Variants in LRRTM4 observed in about 807,000 individuals in gnomAD.
The protein encoded by LRRTM4 is leucine-rich repeat transmembrane neuronal protein 4.
Under a neutral mutation model 47.6 loss-of-function variants are expected in LRRTM4, and 25 were observed. The observed-to-expected ratio is 0.53, with a 90% CI of 0.38 to 0.73. LRRTM4 has a LOEUF of 0.73. LRRTM4 is among the 30% of genes least tolerant of loss of function. LRRTM4 has a pLI of 0.00. For synonymous variants in LRRTM4, 311 were observed against 269.5 expected (o/e 1.15, Z -1.51); for missense variants, 638 against 713.4 (o/e 0.89, Z 1.20).
intron 3 of LRRTM4, among the ~76,000 whole-genome samples, chr2:77,097,920 T>G (rs999668133): frequency 6.6e-6 from 1 of 151,814 alleles, no homozygotes; most frequent in Non-Finnish European, 1.5e-5. Flanking sequence ...CTACAAGCTC[T>G]GGAGAGAGTA....
intron 3 of LRRTM4, among the ~76,000 whole-genome samples, chr2:77,280,037 A>C (rs2104097002): frequency 6.6e-6 from 1 of 152,174 alleles, no homozygotes; most frequent in East Asian, 1.9e-4. Flanking sequence ...AAGGATAATT[A>C]AGTTTGCAGA....
intron 3 of LRRTM4, among the ~76,000 whole-genome samples, chr2:76,935,317 A>G (rs961411368): frequency 1.3e-5 from 2 of 151,978 alleles, no homozygotes; most frequent in Non-Finnish European, 2.9e-5. Context: ...TTTGCTTAGG[A>G]TTGTCTTGGC....
At chr2:77,241,488 G>A (rs548191026) in intron 3 of LRRTM4, among the ~76,000 whole-genome samples, 102 of 152,036 alleles carry the variant, frequency 6.7e-4, no homozygotes, top group South Asian at 3.1e-3. Context: ...TCTACTGATG[G>A]AAGCTTCATA....
At chr2:77,416,273 T>C (rs182214442) in intron 3 of LRRTM4, among the ~76,000 whole-genome samples, 120 of 152,142 alleles carry the variant, frequency 7.9e-4, no homozygotes, top group Non-Finnish European at 1.5e-3. Flanking sequence ...TTCACCTCCA[T>C]GAGGTGATTT....
At chr2:76,869,796 A>G (rs1257742315) in intron 3 of LRRTM4, among the ~76,000 whole-genome samples, 3 of 152,336 alleles carry the variant, frequency 2.0e-5, no homozygotes, top group East Asian at 3.9e-4. Context: ...AATAATACCC[A>G]ATGACAAGAA....
chr2:76,983,169 A>G (rs1676673027), intron 3 of LRRTM4, among the ~76,000 whole-genome samples: 1 of 152,080 alleles, frequency 6.6e-6, no homozygotes, highest in East Asian at 1.9e-4. Flanking sequence ...GTTACTGCAT[A>G]GTTCAGTAAC....
chr2:77,401,838 A>G (rs979894643), intron 3 of LRRTM4, among the ~76,000 whole-genome samples: 1 of 151,964 alleles, frequency 6.6e-6, no homozygotes, highest in African/African-American at 2.4e-5. Flanking sequence ...CTACGATTAG[A>G]TGTAGAATTC....
chr2:76,749,800 A>G (rs1672784913), intron 3 of LRRTM4, among the ~76,000 whole-genome samples: 1 of 152,216 alleles, frequency 6.6e-6, no homozygotes, highest in African/African-American at 2.4e-5. Flanking sequence ...AAAGCAAATG[A>G]TACTTGCTTA....
At chr2:76,817,245 A>ATAAT (rs1670928782) in intron 3 of LRRTM4, among the ~76,000 whole-genome samples, 2 of 151,928 alleles carry the variant, frequency 1.3e-5, no homozygotes, top group African/African-American at 4.8e-5. Flanking sequence ...TGCATGCTTG[A>ATAAT]TAATTAATTT....
chr2:76,903,077 A>C (rs1176052879), intron 3 of LRRTM4, among the ~76,000 whole-genome samples: 5 of 152,190 alleles, frequency 3.3e-5, no homozygotes, highest in African/African-American at 1.2e-4. Flanking sequence ...ATTTCATTAC[A>C]ACTACAAAAA....
At chr2:77,136,282 C>G (rs1293672234) in intron 3 of LRRTM4, among the ~76,000 whole-genome samples, 1 of 152,156 alleles carries the variant, frequency 6.6e-6, no homozygotes, top group Non-Finnish European at 1.5e-5. Context: ...GACAAAGCTT[C>G]CAGAAGAACG....
At chr2:77,310,812 G>A (rs1486722328) in intron 3 of LRRTM4, among the ~76,000 whole-genome samples, 1 of 151,894 alleles carries the variant, frequency 6.6e-6, no homozygotes, top group Non-Finnish European at 1.5e-5. Flanking sequence ...CTGCAGCACT[G>A]GTAATAATAA....
At chr2:76,794,262 A>AGAGAAGGAGCTGTGTC (rs1675136972) in intron 3 of LRRTM4, among the ~76,000 whole-genome samples, 1 of 152,222 alleles carries the variant, frequency 6.6e-6, no homozygotes, top group South Asian at 2.1e-4. Context: ...TACTCAGAAG[A>AGAGAAGGAGCTGTGTC]GAGAAGGAGC....
chr2:77,243,222 C>T (rs1675320015), intron 3 of LRRTM4, among the ~76,000 whole-genome samples: 1 of 151,716 alleles, frequency 6.6e-6, no homozygotes, highest in Non-Finnish European at 1.5e-5. Flanking sequence ...AGAACAGCCT[C>T]AACATGGAGA....
chr2:76,817,615 C>T (rs80322825), intron 3 of LRRTM4, among the ~76,000 whole-genome samples: 2,403 of 152,038 alleles, frequency 0.016, 69 homozygotes, highest in African/African-American at 0.056. Flanking sequence ...ATTCTTGGCA[C>T]CAGAAGTTCT....
intron 3 of LRRTM4, among the ~76,000 whole-genome samples, chr2:76,886,325 A>C (rs1355830339): frequency 6.6e-6 from 1 of 152,160 alleles, no homozygotes; most frequent in Non-Finnish European, 1.5e-5. Context: ...ACAACCTTAA[A>C]CTTGCACATA....
rs548007290 is a variant in LRRTM4, at chr2:77,478,068, T to C, written c.1551+40250A>G. Among the ~76,000 whole-genome samples the C allele has an allele frequency of 5.3e-5, 8 of 152,198 alleles. No individual in the cohort carries two copies. The East Asian group carries it at 1.5e-3, about 29-fold the overall frequency. On this transcript the variant is annotated intron_variant, in intron 3 of 3. Coordinates refer to ENST00000409884, the MANE Select transcript of LRRTM4 (RefSeq NM_001134745.3). ...CCAGTATCCTCTTCAAGGCTACATATATTCTAAACTGCTAAATTTAAATTA... is the reference window on the plus strand; with the variant it reads ...CCAGTATCCTCTTCAAGGCTACATACATTCTAAACTGCTAAATTTAAATTA...
intron 3 of LRRTM4, among the ~76,000 whole-genome samples, chr2:76,916,245 C>T (rs1159192912): frequency 3.3e-5 from 5 of 151,422 alleles, no homozygotes; most frequent in Non-Finnish European, 7.4e-5. Context: ...ATTAGCCGGG[C>T]GTGTTGGCGG....
At chr2:76,813,452 G>C (rs1028057833) in intron 3 of LRRTM4, among the ~76,000 whole-genome samples, 1 of 152,048 alleles carries the variant, frequency 6.6e-6, no homozygotes, top group Non-Finnish European at 1.5e-5. Flanking sequence ...TTCATGACAG[G>C]AGATCCCCAA....
Sources: gnomAD v4.1 joint callset for allele counts (sites outside exome capture counted in the v4.1 genomes callset) on GRCh38, gnomAD v4.1.1 for gene constraint, MANE v1.5 for transcripts, NCBI Gene and HGNC (gene_info 2026-07-23, HGNC 2026-07-21) for gene names.